Variants in SRPRB observed in about 807,000 individuals in gnomAD.
The protein encoded by SRPRB is SRP receptor subunit beta.
Under a neutral mutation model 31.9 loss-of-function variants are expected in SRPRB, and 20 were observed. That is an observed-to-expected ratio of 0.63 (90% CI 0.44 to 0.91). The LOEUF (loss-of-function observed/expected upper bound fraction) is 0.91, where lower values mean the gene tolerates loss of function less well. SRPRB is among the 40% of genes least tolerant of loss of function. The probability of loss-of-function intolerance (pLI) is 0.00; values close to 1 mark genes in which losing one functional copy is unlikely to be tolerated. For missense variants in SRPRB, 321 were observed against 324.9 expected (o/e 0.99, Z 0.09); for synonymous variants, 146 against 132.8 (o/e 1.10, Z -0.68).
At chr3:133,784,432 T>C (rs1268311576) in intron 1 of SRPRB, 4 of 147,918 alleles carry the variant, frequency 2.7e-5, no homozygotes, top group Admixed American at 1.4e-4. Context: ...ATGATAGAGT[T>C]AGAAAATCAC....
chr3:133,817,748 T>C lies in SRPRB; in HGVS notation c.602+816T>C, dbSNP rs1016831568. Among the ~76,000 whole-genome samples the C allele has an allele frequency of 5.3e-5, 8 of 152,230 alleles. 1 individual carries two copies. The highest frequency in any genetic ancestry group is 1.5e-5 in the Non-Finnish European group (1 of 68,038). Reference sequence around the variant, plus strand: ...AACTTTTCTCCCCACTATGACTTACTGACTCCCTTATTCATTTAAGAAGCA... The same window carrying C: ...AACTTTTCTCCCCACTATGACTTACCGACTCCCTTATTCATTTAAGAAGCA... On this transcript the variant is annotated intron_variant, in intron 6 of 6. Coordinates refer to ENST00000678299, the MANE Select transcript of SRPRB (RefSeq NM_001379313.1).
At chr3:133,800,716 G>T (rs890900975) in intron 1 of SRPRB, among the ~76,000 whole-genome samples, 2 of 152,166 alleles carry the variant, frequency 1.3e-5, no homozygotes, top group East Asian at 1.9e-4. Context: ...CCTCAAACCC[G>T]CTAAGGCAGG....
At chr3:133,809,524 G>A (rs1935222093) in intron 3 of SRPRB, among the ~76,000 whole-genome samples, 1 of 151,646 alleles carries the variant, frequency 6.6e-6, no homozygotes. Context: ...TTGTGGCCCA[G>A]ACCTTTTTAA....
At chr3:133,827,967 C>T (rs1200228212), downstream of SRPRB, 1 of 703,030 alleles carries the variant, frequency 1.4e-6, no homozygotes, top group South Asian at 1.5e-5. Flanking sequence ...CACCACGCAG[C>T]TGCAATTGCC....
At chr3:133,826,806 C>T (rs1935571885), downstream of SRPRB, 1 of 152,660 alleles carries the variant, frequency 6.6e-6, no homozygotes, top group Non-Finnish European at 1.5e-5. Flanking sequence ...CGTTGCAGTA[C>T]TTTTGAATTT....
At chr3:133,826,583 C>G (rs558332672), downstream of SRPRB, 1 of 152,826 alleles carries the variant, frequency 6.5e-6, no homozygotes, top group African/African-American at 2.4e-5. Context: ...AGTAAGCACT[C>G]TTCCAACAAG....
chr3:133,804,021 G>T, upstream of SRPRB, among the ~76,000 whole-genome samples: 1 of 147,918 alleles, frequency 6.8e-6, no homozygotes, highest in Non-Finnish European at 1.5e-5. Context: ...GCGTGAACCC[G>T]GGAGGCGGAG....
intron 1 of SRPRB, chr3:133,792,598 G>C (rs1020753969): frequency 6.6e-6 from 1 of 152,072 alleles, no homozygotes; most frequent in African/African-American, 2.4e-5. Context: ...AGTAAAACTC[G>C]CTAAGAGTTA....
rs3842571 is a variant in SRPRB, at chr3:133,819,350, A to ACC, written c.603-197_603-196dup. Reference sequence around the variant, plus strand: ...CTGCCTTCTAGCCCTGTGAGGTCTGACCCCCCCAGCCCGCCCCACCTACCT... The same window carrying ACC: ...CTGCCTTCTAGCCCTGTGAGGTCTGACCCCCCCCCAGCCCGCCCCACCTACCT... On this transcript the variant is annotated intron_variant, in intron 6 of 6. Transcript: ENST00000678299. Among the ~76,000 whole-genome samples the ACC allele has an allele frequency of 3.4e-4, 49 of 146,244 alleles. No individual in the cohort carries two copies. In the East Asian group the frequency reaches 3.9e-3, roughly 11 times the overall value.
chr3:133,827,223 T>C (rs1228567643), downstream of SRPRB: 1 of 152,228 alleles, frequency 6.6e-6, no homozygotes, highest in Non-Finnish European at 1.5e-5. Context: ...CCAACGACCT[T>C]GTGGAGTTCA....
chr3:133,820,619 T>C lies in SRPRB; in HGVS notation c.*853T>C, dbSNP rs1348347214. The C allele has an allele frequency of 6.6e-6, 1 of 152,102 alleles. No individual in the cohort carries two copies. The highest frequency in any genetic ancestry group is 2.4e-5 in the African/African-American group (1 of 41,406). The allele number at this position is 152,102 out of a possible 1,614,324, so 9.4% of individuals were successfully genotyped here. ...AACAAATACAAAGTGAAAAAAGTTC[T>C]CTGTAGATTTCTGAAGTGCATATTC... On this transcript the variant is annotated 3_prime_UTR_variant, in exon 7 of 7. Coordinates refer to ENST00000678299, the MANE Select transcript of SRPRB (RefSeq NM_001379313.1).
chr3:133,819,821 G>A lies in SRPRB; in HGVS notation c.*55G>A. ...GTGTGACACACAGTTTTGGAAAAAGGTCTGTGGTAGTCTGGAGTTGATGAG... is the reference window on the plus strand; with the variant it reads ...GTGTGACACACAGTTTTGGAAAAAGATCTGTGGTAGTCTGGAGTTGATGAG... On this transcript the variant is annotated 3_prime_UTR_variant, in exon 7 of 7. Transcript: ENST00000678299. 6.6e-7 allele frequency: 1 copy of A among 1,504,868 alleles called. No individual in the cohort carries two copies. The highest frequency in any genetic ancestry group is 1.2e-5 in the South Asian group (1 of 84,714). 93.2% of individuals were successfully genotyped at this position (1,504,868 alleles called of 1,614,324 possible).
intron 1 of SRPRB, chr3:133,788,523 T>A (rs1346616054): frequency 6.6e-6 from 1 of 152,244 alleles, no homozygotes; most frequent in African/African-American, 2.4e-5. Context: ...TGGTTCAATA[T>A]GCCCAGAACC....
chr3:133,794,617 C>T (rs1460058643), intron 1 of SRPRB: 1 of 152,252 alleles, frequency 6.6e-6, no homozygotes, highest in Non-Finnish European at 1.5e-5. Context: ...GCCATCCACA[C>T]TACAGCAAAA....
At position 133,805,870 on chromosome 3, in the gene SRPRB, C is replaced by A. The variant is rs1346733651; in HGVS notation, c.22C>A (p.Arg8=). The A allele has an allele frequency of 6.2e-7, 1 of 1,612,028 alleles. No individual in the cohort carries two copies. Reference sequence around the variant, plus strand: ...ATCCATGGCTTCCGCGGACTCGCGCCGGGTGGCAGATGGCGGCGGTGCCGG... The same window carrying A: ...ATCCATGGCTTCCGCGGACTCGCGCAGGGTGGCAGATGGCGGCGGTGCCGG... The part of the protein sequence containing the change: MASADSR[R]VADGGGAGGT... The change falls in exon 1 of 7, where the codon CGG becomes AGG. Residue 8 remains arginine, a synonymous_variant. Coordinates refer to ENST00000678299, the MANE Select transcript of SRPRB (RefSeq NM_001379313.1).
chr3:133,793,525 A>T (rs746279102), intron 1 of SRPRB: 1 of 152,190 alleles, frequency 6.6e-6, no homozygotes, highest in Admixed American at 6.5e-5. Flanking sequence ...TCTTCAGGTT[A>T]TATTTTAGTG....
downstream of SRPRB, among the ~76,000 whole-genome samples, chr3:133,823,550 C>T (rs191098011): frequency 2.0e-5 from 3 of 152,256 alleles, no homozygotes; most frequent in South Asian, 6.2e-4. Context: ...TGTTCTGGAA[C>T]CTTTATAAGC....
chr3:133,809,343 G>A (rs6762254), intron 3 of SRPRB, among the ~76,000 whole-genome samples: 7,829 of 152,138 alleles, frequency 0.051, 642 homozygotes, highest in African/African-American at 0.18. Flanking sequence ...TGGAGGATGT[G>A]GATGGATAGA....
At chr3:133,793,144 C>T (rs1018221135) in intron 1 of SRPRB, 2 of 151,892 alleles carry the variant, frequency 1.3e-5, no homozygotes, top group African/African-American at 4.8e-5. Context: ...TCTTTGTTTG[C>T]CTTTTGAATA....
Sources: allele counts gnomAD v4.1 joint callset (sites outside exome capture counted in the v4.1 genomes callset), GRCh38; gene constraint gnomAD v4.1.1; transcripts MANE v1.5; gene names NCBI Gene and HGNC (gene_info 2026-07-23, HGNC 2026-07-21).